ZNF878: variants seen among roughly 807,000 people sequenced by gnomAD.
ZNF878 encodes zinc finger protein 878.
ZNF878 carries 10 observed loss-of-function variants against 11.1 expected under a neutral mutation model. The observed-to-expected ratio is 0.90, with a 90% CI of 0.56 to 1.53. ZNF878 has a LOEUF of 1.53. ZNF878 is among the 40% of genes most tolerant of loss of function. ZNF878 has a pLI of 0.00. For missense variants in ZNF878, 548 were observed against 626.1 expected, an observed-to-expected ratio of 0.88 and a Z score of 1.33; for synonymous variants, 165 against 209.7, an observed-to-expected ratio of 0.79 and a Z score of 1.84.
chr19:12,052,722 C>A (rs985046245), intron 1 of ZNF878, 77 bp downstream of exon 1: 17 of 1,521,466 alleles, frequency 1.1e-5, no homozygotes, highest in South Asian at 3.6e-5. Flanking sequence ...GGGGCCCGGG[C>A]CCCGCCACAG....
Position 12,044,612 on chromosome 19 carries a change from G to A in ZNF878, c.789C>T (p.Ala263=), listed in dbSNP as rs762416726. 17 of 1,613,890 alleles carry A rather than the reference G, an allele frequency of 1.1e-5. No homozygotes were observed. The South Asian group carries it at 1.9e-4, about 18-fold the overall frequency. The change falls in exon 4 of 4, where the codon GCC becomes GCT. Residue 263 remains alanine, a synonymous_variant. Transcript: ENST00000547628. ...ATTGAAAGGAACTGGGACAATTGAA[G>A]GCTTTATCACATTGCTTGCATTTAT... ...KRYKCKQCDK[A]FNCPSSFQYH... is the part of the protein sequence containing the mutation.
chr19:12,052,881 C>A lies in ZNF878; in HGVS notation c.-80G>T. On this transcript the variant is annotated 5_prime_UTR_variant, in exon 1 of 4. Transcript: ENST00000547628. ...GGTCACAGCGCAGTCGACAGAGCAACAGCAGCTACGGCGGAAGTAACTGGT... is the reference window on the plus strand; with the variant it reads ...GGTCACAGCGCAGTCGACAGAGCAAAAGCAGCTACGGCGGAAGTAACTGGT... 6.6e-7 allele frequency: 1 copy of A among 1,523,214 alleles called. No homozygotes were observed. 94.4% of individuals were successfully genotyped at this position (1,523,214 alleles called of 1,614,324 possible).
Position 12,044,380 on chromosome 19 carries a change from A to G in ZNF878, c.1021T>C (p.Cys341Arg), listed in dbSNP as rs532875573. The G allele has an allele frequency of 1.2e-6, 2 of 1,613,808 alleles. No individual in the cohort carries two copies. The highest frequency in any genetic ancestry group is 1.3e-5 in the African/African-American group (1 of 74,950). The change falls in exon 4 of 4, where the codon TGT becomes CGT. Residue 341 changes from cysteine to arginine, a missense_variant. Physicochemically the swap from Cys to Arg is radical, Grantham distance 180. Coordinates refer to ENST00000547628, the MANE Select transcript of ZNF878 (RefSeq NM_001080404.3). Reference protein sequence around the residue: ...KTHTGEKPYECKKCVKAFSFV... With the variant: ...KTHTGEKPYERKKCVKAFSFV... Reference sequence around the variant, plus strand: ...CTGAAGGCTTTCACACATTTTTTACATTCATAAGGTTTCTCTCCAGTGTGA... The same window carrying G: ...CTGAAGGCTTTCACACATTTTTTACGTTCATAAGGTTTCTCTCCAGTGTGA...
rs1435593125 is a variant in ZNF878, at chr19:12,044,771, A to G, written c.630T>C (p.Tyr210=). The change falls in exon 4 of 4, where the codon TAT becomes TAC. Residue 210 remains tyrosine, a synonymous_variant. Transcript: ENST00000547628. ...ECKQCGKALS[Y]LVSFQTHMRM... ...TCATGTGTGTCTGAAAGCTTACAAG[A>G]TAAGATAATGCTTTCCCACACTGCT... 3.1e-6 allele frequency: 5 copies of G among 1,613,964 alleles called. No homozygotes were observed. In the African/African-American group the frequency reaches 6.7e-5, roughly 22 times the overall value.
intron 1 of ZNF878, among the ~76,000 whole-genome samples, chr19:12,051,778 G>C (rs1368144996): frequency 1.3e-5 from 2 of 152,106 alleles, no homozygotes; most frequent in Admixed American, 1.3e-4. Flanking sequence ...GTGGTGGCTG[G>C]CGCCTGTAGT....
chr19:12,049,947 G>A lies in ZNF878; in HGVS notation c.3+2852C>T, dbSNP rs141889612. Among the ~76,000 whole-genome samples the A allele has an allele frequency of 3.3e-3, 508 of 151,778 alleles. 2 individuals carry two copies. Among genetic ancestry groups the A allele is most frequent in the African/African-American group, 0.011 (458 of 41,366 alleles). On this transcript the variant is annotated intron_variant, in intron 1 of 3. Coordinates refer to ENST00000547628, the MANE Select transcript of ZNF878 (RefSeq NM_001080404.3). The stretch of plus-strand genomic sequence containing the variant: ...AATTTTAAAACATCCAATTTTGGCC[G>A]GGTGCGGTGGCTCATGCCTGTAATC...
rs761566734 is a variant in ZNF878 at position 12,044,489 on chromosome 19, T to C, written c.912A>G (p.Lys304=). Residue 304 remains lysine, a synonymous_variant, in exon 4 of 4, where the codon AAA becomes AAG. Coordinates refer to ENST00000547628, the MANE Select transcript of ZNF878 (RefSeq NM_001080404.3). ...ACTCATAGGGTTTCTCTCCAGTGTGTTTTCTTTCATGTACTCGCAGGTACT... is the reference window on the plus strand; with the variant it reads ...ACTCATAGGGTTTCTCTCCAGTGTGCTTTCTTTCATGTACTCGCAGGTACT... The part of the protein sequence containing the change: ...SVKYLRVHER[K]HTGEKPYECK... The C allele has an allele frequency of 1.2e-6, 2 of 1,613,092 alleles. No individual in the cohort carries two copies. The highest frequency in any genetic ancestry group is 8.5e-7 in the Non-Finnish European group (1 of 1,179,704).
chr19:12,044,329 CA>C lies in ZNF878; in HGVS notation c.1071del (p.His357GlnfsTer170). The C allele has an allele frequency of 6.2e-7, 1 of 1,612,628 alleles. No individual in the cohort carries two copies. Among genetic ancestry groups the C allele is most frequent in the South Asian group, 1.1e-5 (1 of 91,044 alleles). On this transcript the variant is annotated frameshift_variant, in exon 4 of 4. Transcript: ENST00000547628. LOFTEE classifies it low-confidence loss of function (END_TRUNC). ...GGTTTCTCTCCAGTGTGTGTCCTTT[CA>C]TGTATTCGAAGATCCTTGACAAAAC... ...AFSFVKDLRIHERTHTGEKPF... is the reference protein window; with the variant it reads ...AFSFVKDLRIXERTHTGEKPF...
chr19:12,046,210 C>T, intron 3 of ZNF878, 158 bp downstream of exon 3: 1 of 612,166 alleles, frequency 1.6e-6, no homozygotes, highest in Non-Finnish European at 2.8e-6. Flanking sequence ...GGATTATACA[C>T]ATAAGCCATG....
intron 1 of ZNF878, among the ~76,000 whole-genome samples, chr19:12,051,701 A>G (rs1975553802): frequency 6.6e-6 from 1 of 152,120 alleles, no homozygotes; most frequent in Non-Finnish European, 1.5e-5. Flanking sequence ...AGTCAGGAGG[A>G]GTTCAAGACC....
rs1158930118 is a variant in ZNF878 at position 12,045,075 on chromosome 19, T to C, written c.326A>G (p.Glu109Gly). The change falls in exon 4 of 4, where the codon GAA (glutamate) becomes GGA (glycine). Residue 109 changes from glutamate (E) to glycine (G), a missense_variant. By Grantham distance (98) the Glu-to-Gly change is moderately conservative. This residue lies in a region of ZNF878 where 160 missense variants were observed against 173.3 expected (regional missense o/e 0.92). Coordinates refer to ENST00000547628, the MANE Select transcript of ZNF878 (RefSeq NM_001080404.3). Reference protein sequence around the residue: ...VQSYESSVCGEIGIGLSSLNR... With the variant: ...VQSYESSVCGGIGIGLSSLNR... ...AAGGGATGAAAGACCTATGCCGATTTCTCCACACACACTGCTTTCATATGA... is the reference window on the plus strand; with the variant it reads ...AAGGGATGAAAGACCTATGCCGATTCCTCCACACACACTGCTTTCATATGA... 1.2e-6 allele frequency: 2 copies of C among 1,613,872 alleles called. No individual in the cohort carries two copies. Among genetic ancestry groups the C allele is most frequent in the South Asian group, 2.2e-5 (2 of 91,058 alleles).
intron 1 of ZNF878, among the ~76,000 whole-genome samples, chr19:12,047,070 C>T (rs1484572982): frequency 2.6e-5 from 4 of 151,866 alleles, no homozygotes; most frequent in Non-Finnish European, 5.9e-5. Flanking sequence ...ATCTGCAGCA[C>T]CTATCTTAAC....
At chr19:12,051,843 G>A (rs1975554984) in intron 1 of ZNF878, among the ~76,000 whole-genome samples, 1 of 152,194 alleles carries the variant, frequency 6.6e-6, no homozygotes, top group African/African-American at 2.4e-5. Context: ...GGAGGCGGAG[G>A]TTGCAGTGAG....
intron 1 of ZNF878, 84 bp downstream of exon 1, chr19:12,052,715 G>T: frequency 2.6e-6 from 4 of 1,511,522 alleles, no homozygotes; most frequent in Non-Finnish European, 2.7e-6. Flanking sequence ...CTGCAGGGGG[G>T]CCCGGGCCCC....
intron 1 of ZNF878, among the ~76,000 whole-genome samples, chr19:12,051,539 CGAG>C (rs1036069686): frequency 1.3e-5 from 2 of 151,686 alleles, no homozygotes; most frequent in African/African-American, 4.8e-5. Context: ...TTTGGGAGGC[CGAG>C]GAGGGTGGAT....
chr19:12,043,743 T>G, downstream of ZNF878: 1 of 1,443,702 alleles, frequency 6.9e-7, no homozygotes, highest in South Asian at 1.4e-5. Flanking sequence ...AATCCTTCCG[T>G]GCATTTGAAG....
At chr19:12,050,710 A>C (rs2145527825) in intron 1 of ZNF878, among the ~76,000 whole-genome samples, 1 of 152,314 alleles carries the variant, frequency 6.6e-6, no homozygotes, top group Admixed American at 6.5e-5. Flanking sequence ...TTATAGACTA[A>C]CTTCCCTCTT....
intron 1 of ZNF878, among the ~76,000 whole-genome samples, chr19:12,048,981 A>G (rs1975523254): frequency 6.6e-6 from 1 of 151,738 alleles, no homozygotes; most frequent in Non-Finnish European, 1.5e-5. Flanking sequence ...CATCTCTACT[A>G]AAAATATAAA....
In ZNF878 at chr19:12,044,400, G is replaced by T. The variant is rs1400907228; in HGVS notation, c.1001C>A (p.Thr334Asn). 4 of 1,613,832 alleles carry T rather than the reference G, an allele frequency of 2.5e-6. No individual in the cohort carries two copies. The African/African-American group carries it at 5.3e-5, about 22-fold the overall frequency. Residue 334 changes from threonine (T) to asparagine (N), a missense_variant, in exon 4 of 4, where the codon ACT becomes AAT. Physicochemically the swap from Thr to Asn is moderately conservative, Grantham distance 65. Around this residue, in one of 3 missense-constraint regions of ZNF878, gnomAD observed 335 missense variants for 358.2 expected, o/e 0.94. Coordinates refer to ENST00000547628, the MANE Select transcript of ZNF878 (RefSeq NM_001080404.3). ...TSFRYHEKTHTGEKPYECKKC... is the reference protein window; with the variant it reads ...TSFRYHEKTHNGEKPYECKKC... ...TTTACATTCATAAGGTTTCTCTCCA[G>T]TGTGAGTCTTTTCATGATAGCGAAA...
Sources: gnomAD v4.1 joint callset for allele counts (sites outside exome capture counted in the v4.1 genomes callset) on GRCh38, gnomAD v4.1.1 for gene constraint, gnomAD v4.1.1 regional missense constraint, MANE v1.5 for transcripts, NCBI Gene and HGNC (gene_info 2026-07-23, HGNC 2026-07-21) for gene names.